The following SLC10A7 variants were observed in gnomAD, a reference collection of about 807,000 sequenced individuals.
SLC10A7 encodes sodium/bile acid cotransporter 7.
In SLC10A7, 29 loss-of-function variants were observed where a neutral mutation model predicts 43.2. The ratio of observed to expected loss-of-function variants is 0.67; its 90% CI spans 0.50 to 0.92. SLC10A7 has a LOEUF of 0.92. SLC10A7 is among the 40% of genes least tolerant of loss of function. SLC10A7 has a pLI of 0.00. For synonymous variants in SLC10A7, 152 were observed against 144.8 expected, an observed-to-expected ratio of 1.05 and a Z score of -0.35; for missense variants, 295 against 403.2, an observed-to-expected ratio of 0.73 and a Z score of 2.30.
At chr4:146,385,067 G>C (rs1737895360) in intron 5 of SLC10A7, among the ~76,000 whole-genome samples, 1 of 151,938 alleles carries the variant, frequency 6.6e-6, no homozygotes, top group Admixed American at 6.6e-5. Context: ...CCTTTCTATA[G>C]CAATGTCTTC....
intron 7 of SLC10A7, among the ~76,000 whole-genome samples, chr4:146,298,348 C>A (rs1189156909): frequency 6.6e-6 from 1 of 152,038 alleles, no homozygotes; most frequent in African/African-American, 2.4e-5. Flanking sequence ...TCAGGTGAAG[C>A]AATGAAAATT....
At chr4:146,499,162 T>A (rs1264240113) in intron 4 of SLC10A7, among the ~76,000 whole-genome samples, 1 of 152,034 alleles carries the variant, frequency 6.6e-6, no homozygotes. Context: ...GTGAAAAAGG[T>A]GATAACACAA....
intron 3 of SLC10A7, among the ~76,000 whole-genome samples, chr4:146,504,922 G>A (rs1736760249): frequency 6.6e-6 from 1 of 152,138 alleles, no homozygotes; most frequent in Non-Finnish European, 1.5e-5. Flanking sequence ...GTTTAGGACA[G>A]AAAATAAATT....
At chr4:146,330,919 C>G (rs2040060084) in intron 5 of SLC10A7, among the ~76,000 whole-genome samples, 1 of 152,100 alleles carries the variant, frequency 6.6e-6, no homozygotes, top group Non-Finnish European at 1.5e-5. Context: ...GCTGCTCTGT[C>G]TTCCCCTTGA....
In SLC10A7 at chr4:146,359,042, T is replaced by C. The variant is rs1578986332; in HGVS notation, c.436-33046A>G. 2.0e-5 allele frequency among the ~76,000 whole-genome samples: 3 copies of C among 152,328 alleles called. No homozygotes were observed. In the East Asian group the frequency reaches 5.8e-4, roughly 29 times the overall value. Reference sequence around the variant, plus strand: ...ACTAGACATCTGCTTTAATACTTGTTAGTGACAATCTTCTAAAAGTTTAGT... The same window carrying C: ...ACTAGACATCTGCTTTAATACTTGTCAGTGACAATCTTCTAAAAGTTTAGT... On this transcript the variant is annotated intron_variant, in intron 5 of 11. Transcript: ENST00000335472.
At chr4:146,424,542 C>T (rs1729187006) in intron 5 of SLC10A7, among the ~76,000 whole-genome samples, 1 of 151,896 alleles carries the variant, frequency 6.6e-6, no homozygotes, top group African/African-American at 2.4e-5. Flanking sequence ...CACCTGTAAT[C>T]CCAGCTACTC....
At chr4:146,516,656 T>C (rs1738027510) in intron 2 of SLC10A7, among the ~76,000 whole-genome samples, 1 of 152,030 alleles carries the variant, frequency 6.6e-6, no homozygotes, top group Admixed American at 6.6e-5. Flanking sequence ...GCATGAGTCC[T>C]GGGAACCAAA....
rs534035849 is a variant in SLC10A7, at chr4:146,472,474, C to G, written c.397-29653G>C. On this transcript the variant is annotated intron_variant, in intron 4 of 11. Coordinates refer to ENST00000335472, the MANE Select transcript of SLC10A7 (RefSeq NM_001029998.6). ...TTTTTTCCTTTCAAGCCCCTTTGCC[C>G]TTTCAATCATGAAGCATATTACTCC... Among the ~76,000 whole-genome samples, 33 of 146,038 alleles carry G rather than the reference C, an allele frequency of 2.3e-4. No individual in the cohort carries two copies. In the South Asian group the frequency reaches 3.4e-3, roughly 15 times the overall value.
chr4:146,445,135 A>G (rs1039953394), intron 4 of SLC10A7, among the ~76,000 whole-genome samples: 4 of 152,004 alleles, frequency 2.6e-5, no homozygotes, highest in African/African-American at 9.7e-5. Context: ...ACTACTTGCA[A>G]TTCCCCAAAC....
At chr4:146,326,267 T>C (rs1013471701) in intron 5 of SLC10A7, among the ~76,000 whole-genome samples, 4 of 152,214 alleles carry the variant, frequency 2.6e-5, no homozygotes, top group African/African-American at 7.2e-5. Flanking sequence ...CCCTTCCACA[T>C]TGCACGTGGA....
chr4:146,269,649 A>G (rs1728775586), intron 10 of SLC10A7, among the ~76,000 whole-genome samples: 1 of 152,224 alleles, frequency 6.6e-6, no homozygotes, highest in African/African-American at 2.4e-5. Flanking sequence ...TGGCTCTGGA[A>G]CTGTTGTCCA....
intron 10 of SLC10A7, 41 bp from the exon 11 acceptor site, chr4:146,258,878 T>A (rs754860414): frequency 6.3e-7 from 1 of 1,588,810 alleles, no homozygotes; most frequent in South Asian, 1.2e-5. Flanking sequence ...CCAAATTCAG[T>A]CTGTCATCAA....
chr4:146,450,917 T>G (rs1220970775), intron 4 of SLC10A7, among the ~76,000 whole-genome samples: 1 of 151,494 alleles, frequency 6.6e-6, no homozygotes, highest in Non-Finnish European at 1.5e-5. Context: ...GAAGAAATGT[T>G]AACAATAAAA....
intron 3 of SLC10A7, among the ~76,000 whole-genome samples, chr4:146,504,365 A>C (rs995960401): frequency 1.3e-5 from 2 of 152,026 alleles, no homozygotes; most frequent in Non-Finnish European, 2.9e-5. Context: ...TAAAAGTACA[A>C]AAAATTAGCC....
intron 5 of SLC10A7, among the ~76,000 whole-genome samples, chr4:146,429,546 C>T (rs1203354764): frequency 1.3e-5 from 2 of 151,820 alleles, no homozygotes; most frequent in African/African-American, 4.8e-5. Flanking sequence ...TAATAAATGA[C>T]AAATTATATA....
chr4:146,296,033 T>C (rs1002069528), intron 7 of SLC10A7, among the ~76,000 whole-genome samples: 1 of 152,128 alleles, frequency 6.6e-6, no homozygotes, highest in African/African-American at 2.4e-5. Flanking sequence ...TAATAATTAA[T>C]CAACTGTATA....
chr4:146,370,667 A>T (rs1252249601), intron 5 of SLC10A7, among the ~76,000 whole-genome samples: 3 of 152,132 alleles, frequency 2.0e-5, no homozygotes, highest in Non-Finnish European at 4.4e-5. Context: ...ATCTTCCCCC[A>T]CAGCGCTCAG....
intron 4 of SLC10A7, among the ~76,000 whole-genome samples, chr4:146,469,031 G>A (rs1733323821): frequency 6.6e-6 from 1 of 152,034 alleles, no homozygotes; most frequent in Non-Finnish European, 1.5e-5. Context: ...ATCATTCAGG[G>A]TTCTCCTGAA....
intron 5 of SLC10A7, among the ~76,000 whole-genome samples, chr4:146,392,455 C>T (rs942599541): frequency 6.6e-6 from 1 of 152,006 alleles, no homozygotes; most frequent in African/African-American, 2.4e-5. Context: ...ATGTGTGGGT[C>T]TATATATGTG....
Sources: allele counts gnomAD v4.1 joint callset (sites outside exome capture counted in the v4.1 genomes callset), GRCh38; gene constraint gnomAD v4.1.1; transcripts MANE v1.5; gene names NCBI Gene and HGNC (gene_info 2026-07-23, HGNC 2026-07-21).